The following MED16 variants were observed in gnomAD, a reference collection of about 807,000 sequenced individuals.
MED16 encodes the protein mediator complex subunit 16, also known as mediator of RNA polymerase II transcription subunit 16.
A neutral mutation model predicts 84.4 loss-of-function variants in MED16; 81 were observed. That is an observed-to-expected ratio of 0.96 (90% CI 0.80 to 1.15). MED16 has a LOEUF of 1.15. MED16 is among the 50% of genes most tolerant of loss of function. The probability of loss-of-function intolerance (pLI) is 0.00; values close to 1 mark genes in which losing one functional copy is unlikely to be tolerated. For missense variants in MED16, 1,585 were observed against 1,245.9 expected, an observed-to-expected ratio of 1.27 and a Z score of -4.10; for synonymous variants, 897 against 552.2, an observed-to-expected ratio of 1.62 and a Z score of -8.76.
In MED16 at chr19:884,790, TA is replaced by T. The variant is rs2036491862; in HGVS notation, c.985+112del. The T allele has an allele frequency of 9.0e-6, 7 of 776,456 alleles. No homozygotes were observed. In the East Asian group the frequency reaches 1.9e-4, roughly 21 times the overall value. 48.1% of individuals were successfully genotyped at this position (776,456 alleles called of 1,614,324 possible). ...TGGAGATCGAGGCGAGACGATCGCT[TA>T]GGGCCGGGGTTCAGGACCACCCTGG... On this transcript the variant is annotated intron_variant, in intron 6 of 15. Coordinates refer to ENST00000325464, the MANE Select transcript of MED16 (RefSeq NM_005481.3).
intron 15 of MED16, 65 bp from the exon 16 acceptor site, chr19:868,316 A>T: frequency 6.3e-6 from 10 of 1,582,752 alleles, no homozygotes; most frequent in Non-Finnish European, 8.6e-6. Flanking sequence ...CTCTTGCAGC[A>T]GCCGGGCTCA....
rs1373148415 is a variant in MED16, at chr19:873,532, T to C, written c.1822A>G (p.Met608Val). 3.7e-6 allele frequency: 6 copies of C among 1,612,246 alleles called. No homozygotes were observed. Among genetic ancestry groups the C allele is most frequent in the Non-Finnish European group, 5.1e-6 (6 of 1,179,728 alleles). Reference protein sequence around the residue: ...NLKTEEFVLDMNTLQALQQLL... With the variant: ...NLKTEEFVLDVNTLQALQQLL... ...TGCTGCAGCGCCTGCAGTGTGTTCA[T>C]GTCCAGCACAAATTCCTCCGTCTTG... The change falls in exon 11 of 16, where the codon ATG (methionine) becomes GTG (valine). Residue 608 changes from methionine to valine, a missense_variant. Physicochemically the swap from Met to Val is conservative, Grantham distance 21. Coordinates refer to ENST00000325464, the MANE Select transcript of MED16 (RefSeq NM_005481.3).
At chr19:891,188 G>A (rs1045712937) in intron 1 of MED16, 39 bp from the exon 2 acceptor site, 1 of 1,562,136 alleles carries the variant, frequency 6.4e-7, no homozygotes, top group Non-Finnish European at 8.7e-7. Context: ...TATGTTGGCT[G>A]AGCACCCAGG....
rs1402390087 is a variant in MED16 at position 880,933 on chromosome 19, AAAG to A, written c.1141+623_1141+625del. Among the ~76,000 whole-genome samples the A allele has an allele frequency of 3.0e-4, 45 of 152,078 alleles. No homozygotes were observed. The South Asian group carries it at 6.2e-3, about 21-fold the overall frequency. On this transcript the variant is annotated intron_variant, in intron 7 of 15. Coordinates refer to ENST00000325464, the MANE Select transcript of MED16 (RefSeq NM_005481.3). ...GAATGAGACTCCAACTCAAAAAAAA[AAAG>A]AAAAAAAAAAATAGAGCCTGGAAAA...
At chr19:876,822 GGGGCCCCTGCCTGCCACA>G (rs1413128515) in intron 9 of MED16, 134 bp downstream of exon 9, 1 of 711,424 alleles carries the variant, frequency 1.4e-6, no homozygotes, top group East Asian at 2.8e-5. Context: ...TACTGACCAC[GGGGCCCCTGCCTGCCACA>G]GGGACAGCCC....
intron 12 of MED16, 122 bp from the exon 13 acceptor site, chr19:871,375 T>C: frequency 2.3e-6 from 3 of 1,318,176 alleles, no homozygotes; most frequent in South Asian, 1.5e-5. Flanking sequence ...TCTGTCTGCC[T>C]GGCTGGGTGA....
intron 8 of MED16, among the ~76,000 whole-genome samples, chr19:877,412 T>G (rs1337149398): frequency 6.6e-6 from 1 of 152,134 alleles, no homozygotes; most frequent in African/African-American, 2.4e-5. Context: ...CTGCACTGGA[T>G]GCCGAGCCAG....
At chr19:873,660 G>A (rs1476634089) in intron 10 of MED16, 78 bp from the exon 11 acceptor site, 34 of 1,534,104 alleles carry the variant, frequency 2.2e-5, no homozygotes, top group Middle Eastern at 3.6e-4. Flanking sequence ...TCGGTCCTTC[G>A]ACCTGCACTG....
intron 13 of MED16, among the ~76,000 whole-genome samples, chr19:869,716 G>C (rs747435643): frequency 3.9e-5 from 6 of 152,316 alleles, no homozygotes; most frequent in Non-Finnish European, 5.9e-5. Flanking sequence ...CCCCGGAGCA[G>C]GGCTGCTGGA....
In MED16 at chr19:868,470, G is replaced by A. The variant is rs750776744; in HGVS notation, c.2429C>T (p.Pro810Leu). The A allele has an allele frequency of 1.2e-6, 2 of 1,610,930 alleles. No individual in the cohort carries two copies. Among genetic ancestry groups the A allele is most frequent in the African/African-American group, 2.7e-5 (2 of 74,914 alleles). ...CTGCTTCACCGCCGTGGTTCTGTTG[G>A]GCGACTTGAGCATGGTGACACAGCC... Reference protein sequence around the residue: ...RCGCVTMLKSPNRTTAVKQWE... With the variant: ...RCGCVTMLKSLNRTTAVKQWE... The change falls in exon 15 of 16, where the codon CCC becomes CTC. Residue 810 changes from proline to leucine, a missense_variant. By Grantham distance (98) the Pro-to-Leu change is moderately conservative. Transcript: ENST00000325464.
chr19:876,443 A>G (rs765048928), intron 9 of MED16, among the ~76,000 whole-genome samples: 3 of 152,054 alleles, frequency 2.0e-5, no homozygotes, highest in Non-Finnish European at 4.4e-5. Context: ...TACCCATCAC[A>G]TTCTGAGAGG....
intron 13 of MED16, among the ~76,000 whole-genome samples, chr19:869,693 G>A (rs929873037): frequency 1.3e-5 from 2 of 152,132 alleles, no homozygotes; most frequent in Non-Finnish European, 2.9e-5. Flanking sequence ...TCCTGGAGCC[G>A]AGCCGGGGCC....
At chr19:874,933 C>T (rs1479591392) in intron 10 of MED16, among the ~76,000 whole-genome samples, 1 of 151,898 alleles carries the variant, frequency 6.6e-6, no homozygotes, top group African/African-American at 2.4e-5. Flanking sequence ...GAGGCCGAGG[C>T]GGGCGGATCA....
At chr19:869,073 G>C (rs1407881649) in intron 13 of MED16, 127 bp from the exon 14 acceptor site, 2 of 815,170 alleles carry the variant, frequency 2.5e-6, no homozygotes, top group East Asian at 2.9e-5. Context: ...GGTGGGCCCA[G>C]ATGTCTGTGA....
intron 4 of MED16, among the ~76,000 whole-genome samples, chr19:887,300 CTG>C (rs1221345872): frequency 2.0e-5 from 3 of 152,168 alleles, no homozygotes; most frequent in African/African-American, 7.2e-5. Flanking sequence ...CACCACACGT[CTG>C]TGTGGGTCGC....
Position 885,860 on chromosome 19 carries a change from C to T in MED16, c.789G>A (p.Leu263=). 1 of 1,613,808 alleles carries T rather than the reference C, an allele frequency of 6.2e-7. No homozygotes were observed. Among genetic ancestry groups the T allele is most frequent in the Non-Finnish European group, 8.5e-7 (1 of 1,179,970 alleles). ...CRIDTEILPS[L]FMRCTTDLNR... ...TGAGGTCGGTGGTGCAGCGCATGAA[C>T]AGGGAGGGCAGGATCTCCGTGTCGA... Residue 263 remains leucine, a synonymous_variant, in exon 5 of 16, where the codon CTG becomes CTA. Coordinates refer to ENST00000325464, the MANE Select transcript of MED16 (RefSeq NM_005481.3).
rs142768500 is a variant in MED16 at position 873,551 on chromosome 19, C to T, written c.1803G>A (p.Thr601=). The part of the protein sequence containing the change: ...DIDKVMINLK[T]EEFVLDMNTL... ...TGTTCATGTCCAGCACAAATTCCTCCGTCTTGAGGTTGATCATGACCTTGT... is the reference window on the plus strand; with the variant it reads ...TGTTCATGTCCAGCACAAATTCCTCTGTCTTGAGGTTGATCATGACCTTGT... The change falls in exon 11 of 16, where the codon ACG becomes ACA. Residue 601 remains threonine, a synonymous_variant. Transcript: ENST00000325464. The T allele has an allele frequency of 3.1e-5, 50 of 1,612,380 alleles. No homozygotes were observed. Among genetic ancestry groups the T allele is most frequent in the African/African-American group, 1.2e-4 (9 of 74,962 alleles).
intron 3 of MED16, 64 bp from the exon 4 acceptor site, chr19:889,871 G>T: frequency 6.6e-7 from 1 of 1,517,588 alleles, no homozygotes; most frequent in East Asian, 2.4e-5. Flanking sequence ...GTTGCAGGAC[G>T]GCACAGCGCC....
At chr19:888,434 G>A (rs981504964) in intron 4 of MED16, among the ~76,000 whole-genome samples, 15 of 149,514 alleles carry the variant, frequency 1.0e-4, no homozygotes, top group Admixed American at 8.8e-4. Flanking sequence ...TGAGGCAGGA[G>A]AATCGCTTGA....
Sources: allele counts gnomAD v4.1 joint callset (sites outside exome capture counted in the v4.1 genomes callset), GRCh38; gene constraint gnomAD v4.1.1; transcripts MANE v1.5; gene names NCBI Gene and HGNC (gene_info 2026-07-23, HGNC 2026-07-21).